The following CDKN2B-AS1 variants were observed in gnomAD, a reference collection of about 807,000 sequenced individuals.
CDKN2B-AS1 encodes CDKN2B antisense RNA 1 (non-protein coding).
chr9:22,032,644 C>G (rs192647602), intron 1 of CDKN2B-AS1: 1 of 151,876 alleles, frequency 6.6e-6, no homozygotes, highest in African/African-American at 2.4e-5. Context: ...TTTGTACACT[C>G]ATTTTCTCTC....
At chr9:22,035,468 G>A (rs535148688) in intron 1 of CDKN2B-AS1, among the ~76,000 whole-genome samples, 53 of 152,112 alleles carry the variant, frequency 3.5e-4, no homozygotes, top group African/African-American at 1.2e-3. Context: ...GTCAAACATG[G>A]GTCTCACCTA....
chr9:22,020,726 T>C (rs1017180649), intron 1 of CDKN2B-AS1, among the ~76,000 whole-genome samples: 6 of 152,200 alleles, frequency 3.9e-5, no homozygotes, highest in African/African-American at 1.4e-4. Flanking sequence ...TTAATAGGGG[T>C]GTTTTATTCT....
Position 22,005,760 on chromosome 9 carries a change from C to T in CDKN2B-AS1, n.29+10599C>T. 1.6e-6 allele frequency: 1 copy of T among 617,982 alleles called. No homozygotes were observed. The highest frequency in any genetic ancestry group is 2.8e-5 in the Admixed American group (1 of 35,356). The allele number at this position is 617,982 out of a possible 1,614,324, so 38.3% of individuals were successfully genotyped here. A position where few individuals can be genotyped will look rare whatever the true frequency, so the allele number is the denominator to read the frequency against. On this transcript the variant is annotated intron_variant and non_coding_transcript_variant, in intron 1 of 4. Coordinates refer to ENST00000650946, the Ensembl canonical transcript of CDKN2B-AS1. The surrounding 1 kb of genome is among the most constrained non-coding windows in gnomAD (Gnocchi z 4.9). ...CCTAAATATCCCTGGAAATCCGCTT[C>T]TCTGTGTTTCGCTTCATGGTGAGTG...
intron 4 of CDKN2B-AS1, among the ~76,000 whole-genome samples, chr9:22,079,506 T>TAAA (rs74958544): frequency 1.4e-4 from 14 of 98,826 alleles, no homozygotes; most frequent in African/African-American, 4.7e-4. Context: ...AAACACCATC[T>TAAA]AAAAAAAAAA....
intron 4 of CDKN2B-AS1, among the ~76,000 whole-genome samples, chr9:22,123,332 T>C (rs1179032307): frequency 5.3e-5 from 8 of 152,216 alleles, no homozygotes; most frequent in African/African-American, 1.9e-4. Flanking sequence ...CCAATTTGGA[T>C]GTCCTTTATT....
intron 4 of CDKN2B-AS1, among the ~76,000 whole-genome samples, chr9:22,068,928 A>C (rs1824176289): frequency 6.6e-6 from 1 of 152,164 alleles, no homozygotes; most frequent in East Asian, 1.9e-4. Flanking sequence ...ACAGTGAATC[A>C]TGGGAATTAC....
At chr9:22,098,677 C>A (rs988677277) in intron 4 of CDKN2B-AS1, among the ~76,000 whole-genome samples, 1 of 152,036 alleles carries the variant, frequency 6.6e-6, no homozygotes, top group Admixed American at 6.6e-5. Context: ...TTCAGCAAGC[C>A]CTTTTAGGTT....
chr9:22,076,435 A>G (rs1051028707), intron 4 of CDKN2B-AS1, among the ~76,000 whole-genome samples: 4 of 152,216 alleles, frequency 2.6e-5, no homozygotes, highest in Admixed American at 6.5e-5. Context: ...AAAATATATA[A>G]CTATTTATTT....
chr9:22,116,803 G>A (rs568355831), intron 4 of CDKN2B-AS1, among the ~76,000 whole-genome samples: 1 of 152,326 alleles, frequency 6.6e-6, no homozygotes, highest in African/African-American at 2.4e-5. Flanking sequence ...ACAGTGAGAT[G>A]TTACTGGGGA....
At chr9:22,046,671 T>G (rs1352351954) in intron 1 of CDKN2B-AS1, 1 of 152,146 alleles carries the variant, frequency 6.6e-6, no homozygotes, top group African/African-American at 2.4e-5. Flanking sequence ...GAAGAGGGAT[T>G]AGGAAATATC....
chr9:22,076,740 T>A (rs1824508431), intron 4 of CDKN2B-AS1, among the ~76,000 whole-genome samples: 1 of 152,200 alleles, frequency 6.6e-6, no homozygotes, highest in Admixed American at 6.5e-5. Flanking sequence ...TCACCCAGGC[T>A]GGAGTGCAGT....
chr9:22,115,837 A>C (rs1233071940), intron 4 of CDKN2B-AS1, among the ~76,000 whole-genome samples: 3 of 152,174 alleles, frequency 2.0e-5, no homozygotes, highest in African/African-American at 7.2e-5. Context: ...TATTAAATAA[A>C]ACTGAGATAT....
At chr9:22,047,648 C>G (rs889475941) in intron 2 of CDKN2B-AS1, among the ~76,000 whole-genome samples, 2 of 152,138 alleles carry the variant, frequency 1.3e-5, no homozygotes, top group Non-Finnish European at 2.9e-5. Flanking sequence ...AGATGTTACA[C>G]ATATACATAA....
intron 4 of CDKN2B-AS1, among the ~76,000 whole-genome samples, chr9:22,090,001 C>T (rs1285785170): frequency 6.6e-5 from 9 of 135,820 alleles, no homozygotes; most frequent in East Asian, 2.3e-4. Context: ...CAACAGGCCC[C>T]GGTGTGTGAT....
At position 22,093,313 on chromosome 9, in the gene CDKN2B-AS1, A is replaced by G. The variant is rs1348801328; in HGVS notation, n.439-33790A>G. Among the ~76,000 whole-genome samples the G allele has an allele frequency of 6.3e-5, 8 of 127,860 alleles. No homozygotes were observed. In the Admixed American group the frequency reaches 6.6e-4, roughly 11 times the overall value. The allele number at this position is 127,860 out of a possible 152,430, so 83.9% of individuals were successfully genotyped here. ...TATATTCTGTTGATTTGGGGTGGAG[A>G]GTTCTGTAGATGTCTATTAGGTCCG... is the stretch of plus-strand genomic sequence containing the variant. On this transcript the variant is annotated intron_variant and non_coding_transcript_variant, in intron 4 of 4. Coordinates refer to ENST00000650946, the Ensembl canonical transcript of CDKN2B-AS1.
At chr9:22,036,389 A>T (rs1422659892) in intron 1 of CDKN2B-AS1, among the ~76,000 whole-genome samples, 3 of 152,118 alleles carry the variant, frequency 2.0e-5, no homozygotes, top group Non-Finnish European at 4.4e-5. Context: ...TAAATAGCAA[A>T]TCTAGGCCCC....
At chr9:22,104,333 T>C (rs1401929207) in intron 4 of CDKN2B-AS1, among the ~76,000 whole-genome samples, 2 of 152,190 alleles carry the variant, frequency 1.3e-5, no homozygotes, top group Non-Finnish European at 2.9e-5. Flanking sequence ...CTAGAGGCCA[T>C]GTGAGATTAT....
intron 1 of CDKN2B-AS1, among the ~76,000 whole-genome samples, chr9:22,016,824 C>A (rs1038401159): frequency 2.0e-5 from 3 of 152,202 alleles, no homozygotes; most frequent in African/African-American, 4.8e-5. Flanking sequence ...GTCGTAGCAT[C>A]TTTCAAAGGT....
rs1452397516 is a variant in CDKN2B-AS1, at chr9:21,995,844, C to T, written n.29+683C>T. On this transcript the variant is annotated intron_variant and non_coding_transcript_variant, in intron 1 of 4. Transcript: ENST00000650946. This position sits in a 1 kb window ranked among gnomAD's most constrained non-coding sequence, Gnocchi z 5.7. ...CGCCGCCTTCAGGCCGGCGCGCTGACCCGGTGCCCCGACCCGGAGCCTGCG... is the reference window on the plus strand; with the variant it reads ...CGCCGCCTTCAGGCCGGCGCGCTGATCCGGTGCCCCGACCCGGAGCCTGCG... 1 of 152,284 alleles carries T rather than the reference C, an allele frequency of 6.6e-6. No individual in the cohort carries two copies. The allele number at this position is 152,284 out of a possible 1,614,324, so 9.4% of individuals were successfully genotyped here. A position where few individuals can be genotyped will look rare whatever the true frequency, so the allele number is the denominator to read the frequency against.
Sources: gnomAD v4.1 joint callset for allele counts (sites outside exome capture counted in the v4.1 genomes callset) on GRCh38, gnomAD v4.1.1 for gene constraint, Gnocchi (gnomAD v3.1) non-coding constraint, MANE v1.5 for transcripts, NCBI Gene and HGNC (gene_info 2026-07-23, HGNC 2026-07-21) for gene names.